Variants in FABP12 observed in about 807,000 individuals in gnomAD.
FABP12 encodes fatty acid-binding protein 12.
FABP12 carries 19 observed loss-of-function variants against 13.7 expected under a neutral mutation model. That is an observed-to-expected ratio of 1.39 (90% confidence interval 0.97 to 2.04). The LOEUF is 2.04. FABP12 is among the 30% of genes most tolerant of loss of function. The pLI is 0.00. For missense variants in FABP12, 182 were observed against 164.2 expected (o/e 1.11, Z -0.59); for synonymous variants, 61 against 57.0 (o/e 1.07, Z -0.32).
At chr8:81,555,617 T>C (rs774904041) in intron 1 of FABP12, among the ~76,000 whole-genome samples, 2 of 152,194 alleles carry the variant, frequency 1.3e-5, no homozygotes, top group Non-Finnish European at 2.9e-5. Context: ...TTGGATATGT[T>C]AGAAAATGTA....
At position 81,529,396 on chromosome 8, in the gene FABP12, C is replaced by G. The variant is rs756913197; in HGVS notation, c.246+42G>C. The G allele has an allele frequency of 1.1e-5, 17 of 1,595,318 alleles. No individual in the cohort carries two copies. In the Admixed American group the frequency reaches 2.5e-4, roughly 23 times the overall value. On this transcript the variant is annotated intron_variant, in intron 3 of 4. Transcript: ENST00000360464. The stretch of plus-strand genomic sequence containing the variant: ...CTTACCGAGGATGATATCTGACTAA[C>G]ATTCTTTTGAAATGTGTCTGAAAGA...
chr8:81,537,076 A>C (rs1809239877), upstream of FABP12, among the ~76,000 whole-genome samples: 1 of 70,994 alleles, frequency 1.4e-5, no homozygotes, highest in East Asian at 3.4e-4. Context: ...TTTTCATTTA[A>C]GATTTTTCAT....
At chr8:81,538,782 C>T (rs1293472122), upstream of FABP12, among the ~76,000 whole-genome samples, 1 of 152,144 alleles carries the variant, frequency 6.6e-6, no homozygotes, top group Non-Finnish European at 1.5e-5. Context: ...GAAAGTAATA[C>T]AGAGAAAAAT....
intron 1 of FABP12, among the ~76,000 whole-genome samples, chr8:81,573,632 G>A (rs1387445612): frequency 3.3e-5 from 5 of 152,128 alleles, no homozygotes; most frequent in Non-Finnish European, 5.9e-5. Flanking sequence ...TCTTTCAGCA[G>A]TGTTTTGTTT....
At chr8:81,585,560 G>T (rs1810228128) in intron 1 of FABP12, among the ~76,000 whole-genome samples, 1 of 152,114 alleles carries the variant, frequency 6.6e-6, no homozygotes, top group Non-Finnish European at 1.5e-5. Context: ...CTCCACCTAT[G>T]AAGGGTCTTT....
upstream of FABP12, among the ~76,000 whole-genome samples, chr8:81,535,707 C>T (rs976997544): frequency 1.3e-5 from 2 of 152,240 alleles, no homozygotes; most frequent in Non-Finnish European, 2.9e-5. Context: ...CTCAAGTAAA[C>T]GATAACAGAT....
chr8:81,546,926 C>T (rs1809444786), intron 1 of FABP12, among the ~76,000 whole-genome samples: 1 of 152,174 alleles, frequency 6.6e-6, no homozygotes, highest in Non-Finnish European at 1.5e-5. Flanking sequence ...AGACCCTTGG[C>T]ATATAGCATT....
intron 1 of FABP12, among the ~76,000 whole-genome samples, chr8:81,578,050 A>G (rs975193924): frequency 1.3e-5 from 2 of 152,202 alleles, no homozygotes; most frequent in African/African-American, 2.4e-5. Context: ...TATTCTGACT[A>G]TATTAGTTTG....
At chr8:81,545,123 C>T (rs1328387208) in intron 1 of FABP12, among the ~76,000 whole-genome samples, 3 of 152,110 alleles carry the variant, frequency 2.0e-5, no homozygotes, top group Non-Finnish European at 4.4e-5. Context: ...CGGGTTCAAG[C>T]GATTCTCCTG....
At chr8:81,566,509 C>G (rs1314638760) in intron 1 of FABP12, among the ~76,000 whole-genome samples, 2 of 151,954 alleles carry the variant, frequency 1.3e-5, no homozygotes. Flanking sequence ...AAAAATGGCT[C>G]AACATATGCA....
chr8:81,526,730 T>A (rs1808910883), intron 4 of FABP12, among the ~76,000 whole-genome samples: 1 of 152,156 alleles, frequency 6.6e-6, no homozygotes, highest in Non-Finnish European at 1.5e-5. Context: ...GCAACAACCC[T>A]CAACCCCTGC....
Position 81,588,999 on chromosome 8 carries a change from C to G in FABP12, c.-185+1054G>C, listed in dbSNP as rs541173746. Among the ~76,000 whole-genome samples the G allele has an allele frequency of 2.6e-5, 4 of 152,276 alleles. No homozygotes were observed. In the East Asian group the frequency reaches 5.8e-4, roughly 22 times the overall value. On this transcript the variant is annotated intron_variant, in intron 1 of 5. Transcript: ENST00000692030. Reference sequence around the variant, plus strand: ...CAGCCCATCCCTAAGCACAGCACTCCAGATCAGCAACTATGGATGAGGTGA... The same window carrying G: ...CAGCCCATCCCTAAGCACAGCACTCGAGATCAGCAACTATGGATGAGGTGA...
Position 81,586,356 on chromosome 8 carries a change from C to A in FABP12, c.-185+3697G>T, listed in dbSNP as rs561310463. On this transcript the variant is annotated intron_variant, in intron 1 of 5. Transcript: ENST00000692030. ...CAATTTATATTCCTTTAGGTATATA[C>A]CCAGTTATGGGATTGCTGAGTCAAA... 2.0e-5 allele frequency among the ~76,000 whole-genome samples: 3 copies of A among 152,254 alleles called. No individual in the cohort carries two copies. The South Asian group carries it at 6.2e-4, about 32-fold the overall frequency.
chr8:81,535,487 G>A (rs1344314199), upstream of FABP12, among the ~76,000 whole-genome samples: 1 of 152,124 alleles, frequency 6.6e-6, no homozygotes, highest in Non-Finnish European at 1.5e-5. Context: ...TCCCAATTAC[G>A]CATTCAAGGC....
chr8:81,559,507 G>C (rs1809681480), intron 1 of FABP12, among the ~76,000 whole-genome samples: 1 of 152,156 alleles, frequency 6.6e-6, no homozygotes, highest in Non-Finnish European at 1.5e-5. Flanking sequence ...GGTCCAAATG[G>C]AGCCAACAGT....
intron 1 of FABP12, among the ~76,000 whole-genome samples, chr8:81,589,303 T>A (rs908492633): frequency 6.6e-6 from 1 of 152,200 alleles, no homozygotes; most frequent in Non-Finnish European, 1.5e-5. Context: ...ATGCCTATAA[T>A]CTCAGCACTT....
chr8:81,562,056 G>C (rs544189308), intron 1 of FABP12, among the ~76,000 whole-genome samples: 154 of 152,262 alleles, frequency 1.0e-3, no homozygotes, highest in African/African-American at 3.7e-3. Flanking sequence ...TTGAGGAGAG[G>C]GGAGAATAAA....
intron 1 of FABP12, among the ~76,000 whole-genome samples, chr8:81,556,946 C>T (rs1242434425): frequency 1.4e-5 from 2 of 139,690 alleles, no homozygotes; most frequent in African/African-American, 5.4e-5. Flanking sequence ...GTGATCTTGG[C>T]TCACTACAAC....
chr8:81,572,005 A>G (rs1210967163), intron 1 of FABP12, among the ~76,000 whole-genome samples: 1 of 152,194 alleles, frequency 6.6e-6, no homozygotes, highest in Non-Finnish European at 1.5e-5. Flanking sequence ...ATGTTTGGTT[A>G]CATGACTAAA....
Sources: allele counts gnomAD v4.1 joint callset (sites outside exome capture counted in the v4.1 genomes callset), GRCh38; gene constraint gnomAD v4.1.1; transcripts MANE v1.5; gene names NCBI Gene and HGNC (gene_info 2026-07-23, HGNC 2026-07-21).